Variants in DLGAP2 observed in about 807,000 individuals in gnomAD.
DLGAP2 encodes the protein disks large-associated protein 2.
Under a neutral mutation model 100.3 loss-of-function variants are expected in DLGAP2, and 26 were observed. The observed-to-expected ratio is 0.26, with a 90% confidence interval of 0.19 to 0.36. The LOEUF (loss-of-function observed/expected upper bound fraction) is 0.36, where lower values mean the gene tolerates loss of function less well. Among genes scored for constraint, DLGAP2 ranks in the 10% least tolerant of loss-of-function variants. The pLI is 1.00. For synonymous variants in DLGAP2, 886 were observed against 630.1 expected (o/e 1.41, Z -6.08); for missense variants, 1,858 against 1,453.2 (o/e 1.28, Z -4.53).
Position 1,614,109 on chromosome 8 carries a change from C to T in DLGAP2, c.1443-12631C>T, listed in dbSNP as rs186757150. On this transcript the variant is annotated intron_variant, in intron 6 of 14. Transcript: ENST00000637795. ...CTGCAAGTGTATGCCCTGGCTTCAGCGGTGACTGAGCCCTCGTAGCCCAGG... is the reference window on the plus strand; with the variant it reads ...CTGCAAGTGTATGCCCTGGCTTCAGTGGTGACTGAGCCCTCGTAGCCCAGG... 4.8e-4 allele frequency among the ~76,000 whole-genome samples: 73 copies of T among 152,250 alleles called. 1 individual carries two copies. Among genetic ancestry groups the T allele is most frequent in the African/African-American group, 1.5e-3 (63 of 41,554 alleles).
intron 2 of DLGAP2, among the ~76,000 whole-genome samples, chr8:1,221,572 C>G (rs1027160727): frequency 6.6e-6 from 1 of 151,910 alleles, no homozygotes; most frequent in South Asian, 2.1e-4. Flanking sequence ...GACTATGTGT[C>G]CTGGGGATTG....
chr8:1,156,700 A>G (rs370153807), intron 2 of DLGAP2, among the ~76,000 whole-genome samples: 6 of 145,910 alleles, frequency 4.1e-5, no homozygotes, highest in Admixed American at 4.0e-4. Flanking sequence ...CAGCTCAGCA[A>G]CCCGGCTCAG....
chr8:1,317,175 G>T (rs1384531247), intron 3 of DLGAP2, among the ~76,000 whole-genome samples: 4 of 125,400 alleles, frequency 3.2e-5, no homozygotes, highest in Non-Finnish European at 6.5e-5. Flanking sequence ...TAAAAATAGA[G>T]CGTGTGTGAG....
At chr8:1,501,236 G>C in intron 3 of DLGAP2, 130 bp from the exon 4 acceptor site, 1 of 979,022 alleles carries the variant, frequency 1.0e-6, no homozygotes, top group South Asian at 1.5e-5. Flanking sequence ...GAGCGGTGAC[G>C]TTTGAAGAAA....
chr8:1,150,627 A>G (rs949179990), intron 2 of DLGAP2, among the ~76,000 whole-genome samples: 1 of 152,244 alleles, frequency 6.6e-6, no homozygotes, highest in Non-Finnish European at 1.5e-5. Context: ...GGTGGTGTCC[A>G]TGCCCTGTTG....
chr8:1,279,987 A>T (rs1799783669), intron 3 of DLGAP2, among the ~76,000 whole-genome samples: 1 of 152,218 alleles, frequency 6.6e-6, no homozygotes, highest in Non-Finnish European at 1.5e-5. Flanking sequence ...ACCAAGATGA[A>T]GAAGTAACAT....
intron 6 of DLGAP2, among the ~76,000 whole-genome samples, chr8:1,574,563 T>A (rs1191954383): frequency 6.6e-6 from 1 of 152,178 alleles, no homozygotes; most frequent in African/African-American, 2.4e-5. Flanking sequence ...TGTGTGGTCT[T>A]CCCACCAGAG....
chr8:1,213,777 C>T (rs371537994), intron 2 of DLGAP2, among the ~76,000 whole-genome samples: 1 of 152,354 alleles, frequency 6.6e-6, no homozygotes, highest in East Asian at 1.9e-4. Flanking sequence ...CAGCATCCAT[C>T]TTTCCAGTGG....
At chr8:1,363,256 G>T (rs1802026597) in intron 3 of DLGAP2, among the ~76,000 whole-genome samples, 1 of 152,212 alleles carries the variant, frequency 6.6e-6, no homozygotes, top group African/African-American at 2.4e-5. Context: ...CATCCCGAAA[G>T]CGCCCCCACG....
intron 1 of DLGAP2, among the ~76,000 whole-genome samples, chr8:815,395 G>A (rs1395556204): frequency 6.6e-6 from 1 of 152,174 alleles, no homozygotes; most frequent in Non-Finnish European, 1.5e-5. Flanking sequence ...TTAAGTTTCA[G>A]CATGTGAATT....
chr8:1,161,163 A>C (rs1796881511), intron 2 of DLGAP2, among the ~76,000 whole-genome samples: 1 of 152,232 alleles, frequency 6.6e-6, no homozygotes, highest in South Asian at 2.1e-4. Context: ...AACAGTTTGC[A>C]TTATGTCAGC....
intron 3 of DLGAP2, among the ~76,000 whole-genome samples, chr8:1,290,993 G>T (rs2116969973): frequency 6.6e-6 from 1 of 152,248 alleles, no homozygotes; most frequent in African/African-American, 2.4e-5. Flanking sequence ...TAGTAGACCA[G>T]CCCTACAAGT....
intron 1 of DLGAP2, among the ~76,000 whole-genome samples, chr8:795,274 G>C (rs1222429217): frequency 6.6e-6 from 1 of 152,180 alleles, no homozygotes; most frequent in Non-Finnish European, 1.5e-5. Context: ...TTTCTGCTTA[G>C]ACACCTGATT....
intron 4 of DLGAP2, among the ~76,000 whole-genome samples, chr8:1,520,045 G>T (rs1305473816): frequency 6.6e-6 from 1 of 152,230 alleles, no homozygotes; most frequent in Non-Finnish European, 1.5e-5. Context: ...ATGTGAAGGA[G>T]GGGCCTTCTC....
chr8:740,114 C>G (rs1182251766), intron 1 of DLGAP2: 1 of 152,066 alleles, frequency 6.6e-6, no homozygotes, highest in African/African-American at 2.4e-5. Flanking sequence ...GTTGATCTAC[C>G]GCGTCAAATC....
intron 2 of DLGAP2, among the ~76,000 whole-genome samples, chr8:1,156,927 C>T (rs1008815223): frequency 1.3e-5 from 2 of 152,152 alleles, no homozygotes; most frequent in Non-Finnish European, 2.9e-5. Flanking sequence ...GGTTCCCAGT[C>T]GGTCCATCCT....
chr8:1,607,673 G>A (rs955413432), intron 6 of DLGAP2, among the ~76,000 whole-genome samples: 1 of 152,218 alleles, frequency 6.6e-6, no homozygotes, highest in East Asian at 1.9e-4. Context: ...GCGCAGGCCA[G>A]TGGGTGCGCG....
In DLGAP2 at chr8:1,521,443, G is replaced by A. The variant is rs113101662; in HGVS notation, c.172+20012G>A. Among the ~76,000 whole-genome samples the A allele has an allele frequency of 2.6e-3, 56 of 21,642 alleles. 9 individuals are homozygous for A. Among genetic ancestry groups the A allele is most frequent in the Middle Eastern group, 0.028 (1 of 36 alleles). 14.2% of individuals were successfully genotyped at this position (21,642 alleles called of 152,430 possible). On this transcript the variant is annotated intron_variant, in intron 4 of 14. Coordinates refer to ENST00000637795, the MANE Select transcript of DLGAP2 (RefSeq NM_001346810.2). Reference sequence around the variant, plus strand: ...TTGTTTTAATTTGGAATACTCGGGCGGCAGGTGATATGGGGCATCTCTGGT... The same window carrying A: ...TTGTTTTAATTTGGAATACTCGGGCAGCAGGTGATATGGGGCATCTCTGGT...
At chr8:748,142 G>C (rs71512860) in intron 1 of DLGAP2, among the ~76,000 whole-genome samples, 42 of 4,720 alleles carry the variant, frequency 8.9e-3, no homozygotes, top group African/African-American at 0.028. Context: ...GGATGGGCGG[G>C]TCTGCGGTGG....
Sources: gnomAD v4.1 joint callset for allele counts (sites outside exome capture counted in the v4.1 genomes callset) on GRCh38, gnomAD v4.1.1 for gene constraint, MANE v1.5 for transcripts, NCBI Gene and HGNC (gene_info 2026-07-23, HGNC 2026-07-21) for gene names.